The following FBXO42 variants were observed in gnomAD, a reference collection of about 807,000 sequenced individuals.
FBXO42 encodes F-box only protein 42.
A neutral mutation model predicts 71.7 loss-of-function variants in FBXO42; 12 were observed. The observed-to-expected ratio is 0.17, with a 90% CI of 0.11 to 0.27. The LOEUF (loss-of-function observed/expected upper bound fraction) is 0.27. FBXO42 is among the 10% of genes least tolerant of loss of function. FBXO42 has a pLI of 1.00. For missense variants in FBXO42, 707 were observed against 911.9 expected, an observed-to-expected ratio of 0.78 and a Z score of 2.89; for synonymous variants, 325 against 327.5, an observed-to-expected ratio of 0.99 and a Z score of 0.08.
intron 4 of FBXO42, among the ~76,000 whole-genome samples, chr1:16,283,687 G>A (rs1429795163): frequency 6.6e-6 from 1 of 151,750 alleles, no homozygotes; most frequent in Non-Finnish European, 1.5e-5. Flanking sequence ...AGTAGACACG[G>A]GATTTCACTA....
chr1:16,314,283 T>C (rs1018745967), intron 2 of FBXO42, among the ~76,000 whole-genome samples: 6 of 152,212 alleles, frequency 3.9e-5, no homozygotes, highest in African/African-American at 1.2e-4. Context: ...AAGATGTATA[T>C]AGGGTCTTTG....
Position 16,305,881 on chromosome 1 carries a change from C to T in FBXO42, c.289G>A (p.Val97Ile). ...HQCYHGFMKA[V>I]QEGNIQWESR... The stretch of plus-strand genomic sequence containing the variant: ...TCCCACTGAATGTTTCCTTCCTGGA[C>T]AGCCTTCATGAAACCATGATAACAC... The change falls in exon 3 of 10, where the codon GTC (valine) becomes ATC (isoleucine). Residue 97 changes from valine (V) to isoleucine (I), a missense_variant. Transcript: ENST00000375592. 1 of 1,614,152 alleles carries T rather than the reference C, an allele frequency of 6.2e-7. No homozygotes were observed. The highest frequency in any genetic ancestry group is 8.5e-7 in the Non-Finnish European group (1 of 1,180,014).
At chr1:16,341,428 C>T (rs998911670) in intron 1 of FBXO42, among the ~76,000 whole-genome samples, 9 of 151,360 alleles carry the variant, frequency 5.9e-5, no homozygotes, top group African/African-American at 1.9e-4. Context: ...GGTAAAACAC[C>T]GTCTCTACTG....
chr1:16,319,289 T>C (rs1438792868), intron 1 of FBXO42, among the ~76,000 whole-genome samples: 1 of 152,216 alleles, frequency 6.6e-6, no homozygotes, highest in Non-Finnish European at 1.5e-5. Context: ...ACCACTGCAG[T>C]AATTCATGCA....
intron 1 of FBXO42, among the ~76,000 whole-genome samples, chr1:16,341,972 CA>C (rs56035222): frequency 0.36 from 35,979 of 99,752 alleles, 4,950 homozygotes; most frequent in Non-Finnish European, 0.44. Context: ...ATTCCGTCTC[CA>C]AAAAAAAAAA....
intron 7 of FBXO42, 37 bp downstream of exon 7, chr1:16,253,598 C>T (rs753337516): frequency 1.3e-6 from 2 of 1,595,636 alleles, no homozygotes; most frequent in Non-Finnish European, 1.7e-6. Flanking sequence ...AAAGACGCTA[C>T]AGTGTTTGCT....
chr1:16,338,763 C>T (rs558470331), intron 1 of FBXO42, among the ~76,000 whole-genome samples: 1 of 142,330 alleles, frequency 7.0e-6, no homozygotes, highest in South Asian at 2.2e-4. Context: ...TACATTTTAA[C>T]AAGATGCTGT....
At position 16,270,689 on chromosome 1, in the gene FBXO42, A is replaced by AG. The variant is rs947589906; in HGVS notation, c.503-13931_503-13930insC. Among the ~76,000 whole-genome samples, 4 of 31,282 alleles carry AG rather than the reference A, an allele frequency of 1.3e-4. 1 individual carries two copies. The highest frequency in any genetic ancestry group is 5.8e-4 in the African/African-American group (4 of 6,872). The allele number at this position is 31,282 out of a possible 152,430, so 20.5% of individuals were successfully genotyped here. A position where few individuals can be genotyped will look rare whatever the true frequency, so the allele number is the denominator to read the frequency against. On this transcript the variant is annotated intron_variant, in intron 4 of 9. Coordinates refer to ENST00000375592, the MANE Select transcript of FBXO42 (RefSeq NM_018994.3). ...CTCTGTCTCTCAAAAAAAAAAAAAA[A>AG]AAAAAAAGAAAAGAAAAGAAAGAAG...
In FBXO42 at chr1:16,251,294, G is replaced by A; in HGVS notation, c.1530C>T (p.Ser510=). The change falls in exon 10 of 10, where the codon TCC becomes TCT. Residue 510 remains serine, a synonymous_variant. Coordinates refer to ENST00000375592, the MANE Select transcript of FBXO42 (RefSeq NM_018994.3). The surrounding 1 kb of genome is among the most constrained non-coding windows in gnomAD (Gnocchi z 4.5). ...CCATGCCATCCATGGGATTACTACT[G>A]GAAGCGGGTTTCAGATCCCAATTCA... is the stretch of plus-strand genomic sequence containing the variant. ...IDLNWDLKPA[S]SSNPMDGMDN... 6.2e-7 allele frequency: 1 copy of A among 1,614,192 alleles called. No individual in the cohort carries two copies. The highest frequency in any genetic ancestry group is 8.5e-7 in the Non-Finnish European group (1 of 1,180,032).
chr1:16,321,935 G>A (rs528405158), intron 1 of FBXO42, among the ~76,000 whole-genome samples: 44 of 151,716 alleles, frequency 2.9e-4, no homozygotes, highest in Non-Finnish European at 4.9e-4. Context: ...TTGGGAGTCC[G>A]AGGTGGGTGG....
At chr1:16,304,047 C>T (rs965350409) in intron 3 of FBXO42, among the ~76,000 whole-genome samples, 16 of 151,148 alleles carry the variant, frequency 1.1e-4, no homozygotes, top group South Asian at 2.1e-4. Flanking sequence ...TCAGGTGATC[C>T]GCCCGCCTTG....
At chr1:16,283,138 CTCT>C (rs1418023933) in intron 4 of FBXO42, among the ~76,000 whole-genome samples, 1 of 152,092 alleles carries the variant, frequency 6.6e-6, no homozygotes, top group Non-Finnish European at 1.5e-5. Context: ...GTAATTTTGT[CTCT>C]TCTTCTTTTT....
At chr1:16,270,063 T>C (rs34713890) in intron 4 of FBXO42, among the ~76,000 whole-genome samples, 111,582 of 151,812 alleles carry the variant, frequency 0.74, 41,337 homozygotes, top group East Asian at 0.86. Flanking sequence ...ATCATGTTGC[T>C]TAGGTTCATC....
intron 1 of FBXO42, among the ~76,000 whole-genome samples, chr1:16,350,598 A>AAAAAAAAAC (rs2082690077): frequency 7.0e-6 from 1 of 142,650 alleles, no homozygotes; most frequent in Non-Finnish European, 1.5e-5. Flanking sequence ...AAAAAAAAAA[A>AAAAAAAAAC]TTAGCGGGCG....
chr1:16,261,286 A>G (rs1247880489), intron 4 of FBXO42, among the ~76,000 whole-genome samples: 1 of 152,198 alleles, frequency 6.6e-6, no homozygotes, highest in Non-Finnish European at 1.5e-5. Flanking sequence ...CGAACTCTCC[A>G]AGGAAAGGTA....
intron 1 of FBXO42, among the ~76,000 whole-genome samples, chr1:16,342,252 C>T (rs1344992519): frequency 1.3e-5 from 2 of 151,644 alleles, no homozygotes; most frequent in African/African-American, 2.4e-5. Flanking sequence ...CAAAATTAGC[C>T]GGGTGTGGTG....
Position 16,278,579 on chromosome 1 carries a change from G to C in FBXO42, c.502+16204C>G, listed in dbSNP as rs373458104. Among the ~76,000 whole-genome samples the C allele has an allele frequency of 5.9e-5, 9 of 152,118 alleles. No individual in the cohort carries two copies. The East Asian group carries it at 1.5e-3, about 26-fold the overall frequency. Reference sequence around the variant, plus strand: ...CCAGGTATCAGTCCCAGACTCCCTTGTTTAGACATTTCCTGGTGATATTAC... The same window carrying C: ...CCAGGTATCAGTCCCAGACTCCCTTCTTTAGACATTTCCTGGTGATATTAC... On this transcript the variant is annotated intron_variant, in intron 4 of 9. Transcript: ENST00000375592.
intron 4 of FBXO42, among the ~76,000 whole-genome samples, chr1:16,279,611 A>G (rs1020464017): frequency 1.3e-5 from 2 of 152,240 alleles, no homozygotes; most frequent in Non-Finnish European, 2.9e-5. Flanking sequence ...GACTCTAATG[A>G]TAAACATAAT....
At chr1:16,313,787 G>A (rs1396518385) in intron 2 of FBXO42, among the ~76,000 whole-genome samples, 2 of 152,132 alleles carry the variant, frequency 1.3e-5, no homozygotes, top group Non-Finnish European at 2.9e-5. Context: ...AACACATTGA[G>A]ACAACCCTCG....
Sources: gnomAD v4.1 joint callset for allele counts (sites outside exome capture counted in the v4.1 genomes callset) on GRCh38, gnomAD v4.1.1 for gene constraint, Gnocchi (gnomAD v3.1) non-coding constraint, MANE v1.5 for transcripts, NCBI Gene and HGNC (gene_info 2026-07-23, HGNC 2026-07-21) for gene names.